Variants in SRSF9 observed in about 807,000 individuals in gnomAD.
SRSF9 encodes the protein serine/arginine-rich splicing factor 9.
A neutral mutation model predicts 25.9 loss-of-function variants in SRSF9; 3 were observed. That is an observed-to-expected ratio of 0.12 (90% confidence interval 0.05 to 0.30). The LOEUF (loss-of-function observed/expected upper bound fraction) is 0.30. Ranked by LOEUF, SRSF9 falls within the 10% of genes least tolerant of loss-of-function variation. The pLI is 1.00. For missense variants in SRSF9, 161 were observed against 303.5 expected (o/e 0.53, Z 3.49); for synonymous variants, 114 against 113.2 (o/e 1.01, Z -0.05).
At chr12:120,462,695 A>T (rs1373105091) in intron 3 of SRSF9, 1 of 152,296 alleles carries the variant, frequency 6.6e-6, no homozygotes, top group Non-Finnish European at 1.5e-5. Context: ...TTTGCCCATG[A>T]AGGAATCGAG....
At chr12:120,462,247 G>GAA in intron 3 of SRSF9, 85 bp from the exon 4 acceptor site, 1 of 1,427,770 alleles carries the variant, frequency 7.0e-7, no homozygotes, top group Non-Finnish European at 9.5e-7. Flanking sequence ...AACAATAATA[G>GAA]TTAAGTATTG....
At chr12:120,469,375 G>C in intron 1 of SRSF9, 47 bp downstream of exon 1, 1 of 1,483,246 alleles carries the variant, frequency 6.7e-7, no homozygotes, top group Non-Finnish European at 9.1e-7. Flanking sequence ...GGGAAGGCGG[G>C]GGCCTCAGGC....
intron 1 of SRSF9, 49 bp from the exon 2 acceptor site, chr12:120,465,836 C>T (rs755474737): frequency 2.0e-6 from 3 of 1,534,962 alleles, no homozygotes; most frequent in Non-Finnish European, 2.6e-6. Flanking sequence ...TAGTGCTGTT[C>T]AGGAGGCCAA....
At chr12:120,467,924 G>T (rs4767899) in intron 1 of SRSF9, among the ~76,000 whole-genome samples, 2 of 108,578 alleles carry the variant, frequency 1.8e-5, no homozygotes, top group Admixed American at 1.0e-4. Context: ...GAGAAACCCC[G>T]TATCTGCTGA....
chr12:120,464,381 C>T, intron 2 of SRSF9: 1 of 360,858 alleles, frequency 2.8e-6, no homozygotes, highest in Non-Finnish European at 5.0e-6. Flanking sequence ...CATCCCATTA[C>T]AGGTTTAGTA....
chr12:120,465,675 T>G lies in SRSF9; in HGVS notation c.301A>C (p.Arg101=). 6.2e-7 allele frequency: 1 copy of G among 1,601,140 alleles called. No individual in the cohort carries two copies. Among genetic ancestry groups the G allele is most frequent in the Non-Finnish European group, 8.5e-7 (1 of 1,176,028 alleles). Residue 101 remains arginine (R), a synonymous_variant, in exon 2 of 4, where the codon AGG becomes CGG. Coordinates refer to ENST00000229390, the MANE Select transcript of SRSF9 (RefSeq NM_003769.3). The part of the protein sequence containing the change: ...GGRGGWPRGG[R]NGPPTRRSDF... ...GATCTTCTTGTAGGAGGCCCATTCC[T>G]CCCACCACGGGGCCACCCACCCCGA...
intron 3 of SRSF9, 142 bp from the exon 4 acceptor site, chr12:120,462,304 A>AC: frequency 1.2e-6 from 1 of 800,484 alleles, no homozygotes; most frequent in Admixed American, 3.3e-5. Flanking sequence ...ATCTCATTAA[A>AC]CCTTCATAAC....
intron 1 of SRSF9, 84 bp downstream of exon 1, chr12:120,469,338 A>G (rs1436369348): frequency 9.9e-6 from 8 of 806,752 alleles, no homozygotes; most frequent in African/African-American, 8.8e-5. Context: ...GGCCGGGGGG[A>G]GGGGAGCCCT....
rs1878463347 is a variant in SRSF9, at chr12:120,465,529, C to T, written c.349+98G>A. 6 of 1,348,148 alleles carry T rather than the reference C, an allele frequency of 4.5e-6. No homozygotes were observed. In the South Asian group the frequency reaches 5.1e-5, roughly 11 times the overall value. The allele number at this position is 1,348,148 out of a possible 1,614,324, so 83.5% of individuals were successfully genotyped here. A position where few individuals can be genotyped will look rare whatever the true frequency, so the allele number is the denominator to read the frequency against. On this transcript the variant is annotated intron_variant, in intron 2 of 3. Transcript: ENST00000229390. ...GCTATTGAAAAGAAAGCCCCCGTGTCCCATGCACTGAAGAATAACAGCTAT... is the reference window on the plus strand; with the variant it reads ...GCTATTGAAAAGAAAGCCCCCGTGTTCCATGCACTGAAGAATAACAGCTAT...
intron 3 of SRSF9, 161 bp from the exon 4 acceptor site, chr12:120,462,323 G>A (rs1023482796): frequency 4.8e-5 from 31 of 647,214 alleles, no homozygotes; most frequent in Admixed American, 1.1e-4. Context: ...ACATTATGAG[G>A]TAGGTACTCT....
intron 2 of SRSF9, chr12:120,464,442 C>G (rs1878437079): frequency 4.8e-6 from 1 of 209,282 alleles, no homozygotes; most frequent in Admixed American, 5.7e-5. Context: ...CAATGCCAAA[C>G]TCCTAATACT....
intron 1 of SRSF9, among the ~76,000 whole-genome samples, chr12:120,466,052 G>T (rs914838399): frequency 6.6e-6 from 1 of 152,148 alleles, no homozygotes; most frequent in Non-Finnish European, 1.5e-5. Flanking sequence ...TCATAAGAGG[G>T]CTAATTCAGA....
chr12:120,462,305 C>T, intron 3 of SRSF9, 143 bp from the exon 4 acceptor site: 1 of 799,910 alleles, frequency 1.3e-6, no homozygotes, highest in Non-Finnish European at 1.9e-6. Context: ...TCTCATTAAA[C>T]CTTCATAACA....
At chr12:120,463,832 T>C (rs967796872) in intron 3 of SRSF9, 118 bp downstream of exon 3, 2 of 1,196,132 alleles carry the variant, frequency 1.7e-6, no homozygotes, top group Admixed American at 2.4e-5. Flanking sequence ...CCACCTAAGA[T>C]AGATCTCTTA....
At chr12:120,462,225 A>G (rs1452570641) in intron 3 of SRSF9, 63 bp from the exon 4 acceptor site, 1 of 1,519,046 alleles carries the variant, frequency 6.6e-7, no homozygotes, top group Non-Finnish European at 8.9e-7. Flanking sequence ...AAGAATAAGC[A>G]AACCAACATC....
intron 3 of SRSF9, 179 bp from the exon 4 acceptor site, chr12:120,462,341 CCATTT>C: frequency 1.9e-6 from 1 of 536,980 alleles, no homozygotes; most frequent in Non-Finnish European, 3.0e-6. Flanking sequence ...TCTTACTATC[CCATTT>C]CAAGAATGAA....
intron 3 of SRSF9, chr12:120,462,794 A>G (rs1052028641): frequency 1.4e-4 from 22 of 152,242 alleles, no homozygotes; most frequent in Admixed American, 1.2e-3. Context: ...GCCTTCAGCC[A>G]CCATTCTCAG....
intron 1 of SRSF9, among the ~76,000 whole-genome samples, chr12:120,467,715 T>C (rs1462159235): frequency 6.6e-6 from 1 of 151,878 alleles, no homozygotes; most frequent in African/African-American, 2.4e-5. Context: ...AGATAGTTTT[T>C]CTATTATGAA....
At position 120,463,937 on chromosome 12, in the gene SRSF9, G is replaced by A. The variant is rs141506018; in HGVS notation, c.522+13C>T. 6.3e-6 allele frequency: 10 copies of A among 1,596,550 alleles called. No individual in the cohort carries two copies. The highest frequency in any genetic ancestry group is 1.3e-5 in the African/African-American group (1 of 74,562). On this transcript the variant is annotated intron_variant, in intron 3 of 3. Transcript: ENST00000229390. The stretch of plus-strand genomic sequence containing the variant: ...TTTGAGTACAAGCTCCTCAACAGAA[G>A]GCAAGGACCCACCTCATGAGAGCGG...
Sources: gnomAD v4.1 joint callset for allele counts (sites outside exome capture counted in the v4.1 genomes callset) on GRCh38, gnomAD v4.1.1 for gene constraint, MANE v1.5 for transcripts, NCBI Gene and HGNC (gene_info 2026-07-23, HGNC 2026-07-21) for gene names.